Variants in CPM observed in about 807,000 individuals in gnomAD.
CPM encodes the protein carboxypeptidase M, also known as renal carboxypeptidase.
A neutral mutation model predicts 46.4 loss-of-function variants in CPM; 35 were observed. The ratio of observed to expected loss-of-function variants is 0.75; its 90% CI spans 0.58 to 1.00. The LOEUF is 1.00. CPM is among the 50% of genes least tolerant of loss of function. The pLI is 0.00. For missense variants in CPM, 422 were observed against 530.4 expected (o/e 0.80, Z 2.01); for synonymous variants, 195 against 195.3 (o/e 1.00, Z 0.01).
intron 1 of CPM, among the ~76,000 whole-genome samples, chr12:68,959,013 C>T (rs1889070199): frequency 6.6e-6 from 1 of 152,148 alleles, no homozygotes; most frequent in African/African-American, 2.4e-5. Flanking sequence ...GACCTTTGAC[C>T]ACTTAGATGT....
intron 1 of CPM, among the ~76,000 whole-genome samples, chr12:68,952,730 C>G (rs61441158): frequency 0.04 from 6,026 of 152,294 alleles, 155 homozygotes; most frequent in East Asian, 0.089. Context: ...CACAGGATCT[C>G]TGTCTTCTCC....
In CPM at chr12:68,877,841, A is replaced by T. The variant is rs141789034; in HGVS notation, c.259-5885T>A. Among the ~76,000 whole-genome samples, 84 of 152,212 alleles carry T rather than the reference A, an allele frequency of 5.5e-4. 1 individual carries two copies. The highest frequency in any genetic ancestry group is 9.6e-4 in the Non-Finnish European group (65 of 68,034). On this transcript the variant is annotated intron_variant, in intron 3 of 8. Coordinates refer to ENST00000551568, the MANE Select transcript of CPM (RefSeq NM_198320.5). ...ACTTCCCAGATTTTCCAGAACGGCCATAATTTCAGATATTGTGTCCCACTG... is the reference window on the plus strand; with the variant it reads ...ACTTCCCAGATTTTCCAGAACGGCCTTAATTTCAGATATTGTGTCCCACTG...
chr12:68,881,095 T>C (rs1886170186), intron 3 of CPM, among the ~76,000 whole-genome samples: 2 of 152,080 alleles, frequency 1.3e-5, no homozygotes, highest in African/African-American at 4.8e-5. Flanking sequence ...CTACCCGGAG[T>C]TTGCTTTTGG....
rs542361274 is a variant in CPM at position 68,948,768 on chromosome 12, G to A, written c.-4+14401C>T. On this transcript the variant is annotated intron_variant, in intron 1 of 8. Coordinates refer to the CPM transcript ENST00000546373. ...TTGGAAGCCTGAAATTGCTCCAGAA[G>A]TAAAAAGTCTTGCTAGACTCCTGCA... Among the ~76,000 whole-genome samples, 12 of 152,308 alleles carry A rather than the reference G, an allele frequency of 7.9e-5. No homozygotes were observed. The South Asian group carries it at 2.5e-3, about 32-fold the overall frequency.
chr12:68,880,881 CTG>C (rs1289347659), intron 3 of CPM, among the ~76,000 whole-genome samples: 14 of 152,160 alleles, frequency 9.2e-5, no homozygotes, highest in Admixed American at 9.2e-4. Context: ...CATAGTGAGC[CTG>C]TGCCATAGAA....
At chr12:68,882,903 G>C (rs1483653249) in intron 3 of CPM, among the ~76,000 whole-genome samples, 1 of 152,168 alleles carries the variant, frequency 6.6e-6, no homozygotes, top group Non-Finnish European at 1.5e-5. Flanking sequence ...GCATAAATAA[G>C]TAAAATAAAA....
In CPM at chr12:68,932,949, C is replaced by T. The variant is rs1592708996; in HGVS notation, c.-3-109G>A. ...CTCAGGGTCTCCCGACACTGACGCT[C>T]CCTGCCTCCTAAGGAGGCAAAAGCT... On this transcript the variant is annotated intron_variant, in intron 1 of 8. Transcript: ENST00000551568. 3.0e-6 allele frequency: 3 copies of T among 993,172 alleles called. No homozygotes were observed. In the South Asian group the frequency reaches 4.7e-5, roughly 15 times the overall value. The allele number at this position is 993,172 out of a possible 1,614,324, so 61.5% of individuals were successfully genotyped here.
At chr12:68,880,105 T>TA (rs11433305) in intron 3 of CPM, among the ~76,000 whole-genome samples, 119,158 of 149,286 alleles carry the variant, frequency 0.8, 47,567 homozygotes, top group African/African-American at 0.87. Flanking sequence ...CCCTTCCAAT[T>TA]AAAAAAAAAA....
At chr12:68,843,845 T>G (rs1387497257) in intron 5 of CPM, 1 of 216,278 alleles carries the variant, frequency 4.6e-6, no homozygotes, top group Non-Finnish European at 9.3e-6. Context: ...CCTCGAAGCA[T>G]TATTTGGAGT....
intron 8 of CPM, 67 bp downstream of exon 8, chr12:68,858,856 T>G: frequency 9.4e-7 from 1 of 1,062,742 alleles, no homozygotes; most frequent in Non-Finnish European, 1.2e-6. Flanking sequence ...TTTGGATTCC[T>G]TCTGGGTGAA....
At chr12:68,921,208 C>G (rs993482435) in intron 2 of CPM, among the ~76,000 whole-genome samples, 25 of 145,196 alleles carry the variant, frequency 1.7e-4, no homozygotes, top group Non-Finnish European at 3.5e-4. Flanking sequence ...GATCTCGGCT[C>G]TCAGCTCACT....
intron 2 of CPM, among the ~76,000 whole-genome samples, chr12:68,897,652 G>A (rs560459697): frequency 7.3e-5 from 11 of 150,268 alleles, no homozygotes; most frequent in East Asian, 2.0e-4. Context: ...CAGGAGAATC[G>A]CTTGAACCCG....
At chr12:68,930,483 C>T (rs192492663) in intron 2 of CPM, among the ~76,000 whole-genome samples, 20 of 152,342 alleles carry the variant, frequency 1.3e-4, no homozygotes, top group Admixed American at 7.2e-4. Flanking sequence ...CACCATCTCT[C>T]AATTGTCACA....
rs564988830 is a variant in CPM at position 68,873,590 on chromosome 12, C to T, written c.259-1634G>A. On this transcript the variant is annotated intron_variant, in intron 3 of 8. Transcript: ENST00000551568. ...TGAGGTAGGAGGATCGCTTGTGCTGCCCAGGAGGTTGAGGCAGCAGTGAGA... is the reference window on the plus strand; with the variant it reads ...TGAGGTAGGAGGATCGCTTGTGCTGTCCAGGAGGTTGAGGCAGCAGTGAGA... Among the ~76,000 whole-genome samples, 532 of 151,386 alleles carry T rather than the reference C, an allele frequency of 3.5e-3. 1 individual carries two copies. Among genetic ancestry groups the T allele is most frequent in the African/African-American group, 0.012 (507 of 41,220 alleles).
intron 5 of CPM, chr12:68,843,422 GA>G (rs1439570165): frequency 4.3e-6 from 1 of 230,066 alleles, no homozygotes; most frequent in African/African-American, 2.2e-5. Flanking sequence ...CATTGTATGT[GA>G]AACAGTACAT....
chr12:68,917,533 G>A (rs1189256058), intron 2 of CPM, among the ~76,000 whole-genome samples: 2 of 152,174 alleles, frequency 1.3e-5, no homozygotes, highest in East Asian at 3.8e-4. Context: ...GACCTCTAGA[G>A]GAAAGAGTTA....
chr12:68,962,916 G>C (rs1482714158), intron 1 of CPM, among the ~76,000 whole-genome samples: 4 of 152,176 alleles, frequency 2.6e-5, no homozygotes, highest in Non-Finnish European at 5.9e-5. Context: ...CACTTTGAGT[G>C]GTCCCACCTT....
At chr12:68,873,274 A>G (rs951407111) in intron 3 of CPM, among the ~76,000 whole-genome samples, 5 of 152,252 alleles carry the variant, frequency 3.3e-5, no homozygotes, top group African/African-American at 1.2e-4. Flanking sequence ...ACAAAGGATA[A>G]GCGGTCCTTG....
At chr12:68,895,156 T>A (rs1886818801) in intron 2 of CPM, among the ~76,000 whole-genome samples, 1 of 151,786 alleles carries the variant, frequency 6.6e-6, no homozygotes, top group Non-Finnish European at 1.5e-5. Context: ...AAGGCCCAGG[T>A]CATCTTCTTA....
Sources: allele counts gnomAD v4.1 joint callset (sites outside exome capture counted in the v4.1 genomes callset), GRCh38; gene constraint gnomAD v4.1.1; transcripts MANE v1.5; gene names NCBI Gene and HGNC (gene_info 2026-07-23, HGNC 2026-07-21).